PTPRG: variants seen among roughly 807,000 people sequenced by gnomAD.
PTPRG encodes receptor-type tyrosine-protein phosphatase gamma.
A neutral mutation model predicts 165.3 loss-of-function variants in PTPRG; 102 were observed. That is an observed-to-expected ratio of 0.62 (90% confidence interval 0.53 to 0.73). The LOEUF (loss-of-function observed/expected upper bound fraction) is 0.73. Ranked by LOEUF, PTPRG falls within the 30% of genes least tolerant of loss-of-function variation. The pLI is 0.00. For missense variants in PTPRG, 1,866 were observed against 1,861.4 expected, an observed-to-expected ratio of 1.00 and a Z score of -0.05; for synonymous variants, 675 against 669.5, an observed-to-expected ratio of 1.01 and a Z score of -0.13.
At chr3:62,039,856 A>T (rs1175564361) in intron 4 of PTPRG, among the ~76,000 whole-genome samples, 2 of 152,158 alleles carry the variant, frequency 1.3e-5, no homozygotes, top group Non-Finnish European at 2.9e-5. Context: ...GCCACAGAGC[A>T]GTGCTAATCA....
rs910579996 is a variant in PTPRG, at chr3:62,233,522, G to C, written c.2375+2211G>C. 2.6e-5 allele frequency among the ~76,000 whole-genome samples: 4 copies of C among 152,096 alleles called. No individual in the cohort carries two copies. Among genetic ancestry groups the C allele is most frequent in the African/African-American group, 9.7e-5 (4 of 41,400 alleles). On this transcript the variant is annotated intron_variant, in intron 14 of 29. Transcript: ENST00000474889. This position sits in a 1 kb window ranked among gnomAD's most constrained non-coding sequence, Gnocchi z 4.7. ...TTCAACCAGGCTCTCTCTCACCTTT[G>C]CCTTTTTCATTCCGCTCTCATTTTC...
intron 2 of PTPRG, among the ~76,000 whole-genome samples, chr3:61,805,395 T>C (rs529492916): frequency 3.3e-5 from 5 of 152,298 alleles, no homozygotes; most frequent in South Asian, 4.2e-4. Context: ...AACAGTGGCC[T>C]GTATGTGTCT....
In PTPRG at chr3:62,203,508, C is replaced by T; in HGVS notation, c.1713C>T (p.Thr571=). The T allele has an allele frequency of 1.3e-6, 2 of 1,561,174 alleles. No individual in the cohort carries two copies. Among genetic ancestry groups the T allele is most frequent in the Non-Finnish European group, 1.7e-6 (2 of 1,151,844 alleles). Residue 571 remains threonine (T), a synonymous_variant, in exon 12 of 30, where the codon ACC becomes ACT. Transcript: ENST00000474889. This position sits in a 1 kb window ranked among gnomAD's most constrained non-coding sequence, Gnocchi z 6.4. ...SPGPDGDSSP[T]KDGEGTEEGE... The stretch of plus-strand genomic sequence containing the variant: ...GGCCCGATGGTGATTCGTCACCAAC[C>T]AAGGACGGCGAGGGCACCGAGGAAG...
intron 4 of PTPRG, among the ~76,000 whole-genome samples, chr3:62,056,620 G>A (rs1171906548): frequency 6.6e-6 from 1 of 152,062 alleles, no homozygotes; most frequent in Non-Finnish European, 1.5e-5. Flanking sequence ...AGTATTCTTG[G>A]CCTAAAATAT....
chr3:61,564,787 C>T (rs1310049034), intron 1 of PTPRG, among the ~76,000 whole-genome samples: 1 of 152,156 alleles, frequency 6.6e-6, no homozygotes, highest in Non-Finnish European at 1.5e-5. Flanking sequence ...GCCACCTCCA[C>T]GCCTCAGGGA....
intron 4 of PTPRG, among the ~76,000 whole-genome samples, chr3:62,048,558 C>T (rs1443524255): frequency 6.6e-6 from 1 of 152,216 alleles, no homozygotes; most frequent in Non-Finnish European, 1.5e-5. Flanking sequence ...GGGTTATCCA[C>T]CAGAAGGGCA....
chr3:62,093,678 C>G (rs2106803812), intron 5 of PTPRG, among the ~76,000 whole-genome samples: 1 of 152,290 alleles, frequency 6.6e-6, no homozygotes, highest in Admixed American at 6.5e-5. Context: ...GGATTAGGAG[C>G]AGGTGCATGG....
chr3:61,970,199 G>A (rs1484005654), intron 2 of PTPRG, among the ~76,000 whole-genome samples: 1 of 152,078 alleles, frequency 6.6e-6, no homozygotes, highest in Admixed American at 6.5e-5. Flanking sequence ...TAGGGTACCT[G>A]GGTAGCTTTT....
intron 1 of PTPRG, among the ~76,000 whole-genome samples, chr3:61,640,497 C>T (rs1702033187): frequency 6.6e-6 from 1 of 152,168 alleles, no homozygotes; most frequent in Admixed American, 6.5e-5. Context: ...GCTTTTTGCA[C>T]ATTACCATAT....
chr3:61,817,544 A>G (rs1337774657), intron 2 of PTPRG, among the ~76,000 whole-genome samples: 1 of 152,198 alleles, frequency 6.6e-6, no homozygotes, highest in East Asian at 1.9e-4. Flanking sequence ...AAGCTAAACT[A>G]TAAACTCACA....
At chr3:61,652,706 G>T (rs61055259) in intron 1 of PTPRG, among the ~76,000 whole-genome samples, 1 of 152,080 alleles carries the variant, frequency 6.6e-6, no homozygotes, top group Non-Finnish European at 1.5e-5. Context: ...TTTGGGCCCC[G>T]ATAGTTCTGT....
intron 28 of PTPRG, among the ~76,000 whole-genome samples, chr3:62,285,122 G>A (rs1461643932): frequency 1.3e-5 from 2 of 151,974 alleles, no homozygotes; most frequent in Non-Finnish European, 2.9e-5. Context: ...ACATTGCTGA[G>A]GCCAGCAATG....
At chr3:62,056,038 A>G (rs1236830502) in intron 4 of PTPRG, among the ~76,000 whole-genome samples, 1 of 152,242 alleles carries the variant, frequency 6.6e-6, no homozygotes. Context: ...AAATCCAAGT[A>G]CATATGACTC....
chr3:61,946,078 A>C (rs2039754288), intron 2 of PTPRG, among the ~76,000 whole-genome samples: 1 of 152,218 alleles, frequency 6.6e-6, no homozygotes, highest in African/African-American at 2.4e-5. Context: ...TTATTGATAC[A>C]GTTACTAATT....
intron 1 of PTPRG, among the ~76,000 whole-genome samples, chr3:61,652,976 A>G (rs1702399228): frequency 1.3e-5 from 2 of 152,218 alleles, no homozygotes; most frequent in African/African-American, 2.4e-5. Flanking sequence ...GATTTACACT[A>G]CAACCACCAG....
At chr3:61,653,083 T>A (rs981414612) in intron 1 of PTPRG, among the ~76,000 whole-genome samples, 12 of 152,120 alleles carry the variant, frequency 7.9e-5, no homozygotes, top group Non-Finnish European at 1.2e-4. Flanking sequence ...TAATTTTTTT[T>A]AAAAGTACTT....
chr3:62,000,402 G>A (rs995450683), intron 3 of PTPRG, among the ~76,000 whole-genome samples: 1 of 151,978 alleles, frequency 6.6e-6, no homozygotes, highest in African/African-American at 2.4e-5. Flanking sequence ...AGAGAACTTA[G>A]AATGTAGAAA....
At chr3:61,837,126 T>C (rs1163464900) in intron 2 of PTPRG, among the ~76,000 whole-genome samples, 1 of 152,244 alleles carries the variant, frequency 6.6e-6, no homozygotes, top group Non-Finnish European at 1.5e-5. Context: ...TTGGCCACTC[T>C]GGTCTTGTAC....
At chr3:62,069,684 T>TACA (rs1553712763) in intron 4 of PTPRG, among the ~76,000 whole-genome samples, 1 of 144,962 alleles carries the variant, frequency 6.9e-6, no homozygotes, top group South Asian at 2.3e-4. Context: ...TCTCTCTCTC[T>TACA]CACACACAGA....
Sources: allele counts gnomAD v4.1 joint callset (sites outside exome capture counted in the v4.1 genomes callset), GRCh38; gene constraint gnomAD v4.1.1; non-coding constraint Gnocchi (gnomAD v3.1); transcripts MANE v1.5; gene names NCBI Gene and HGNC (gene_info 2026-07-23, HGNC 2026-07-21).